Variants in PCDHA7 observed in about 807,000 individuals in gnomAD.
PCDHA7 encodes the protein protocadherin alpha 7.
In PCDHA7, 37 loss-of-function variants were observed where a neutral mutation model predicts 57.2. The ratio of observed to expected loss-of-function variants is 0.65; its 90% CI spans 0.50 to 0.85. The LOEUF (loss-of-function observed/expected upper bound fraction) is 0.85, where lower values mean the gene tolerates loss of function less well. Among genes scored for constraint, PCDHA7 ranks in the 40% least tolerant of loss-of-function variants. The pLI is 0.00. For synonymous variants in PCDHA7, 553 were observed against 558.8 expected (o/e 0.99, Z 0.15); for missense variants, 1,188 against 1,241.8 (o/e 0.96, Z 0.65).
At chr5:140,868,281 T>G (rs2050378347) in intron 1 of PCDHA7, 1 of 152,066 alleles carries the variant, frequency 6.6e-6, no homozygotes, top group Non-Finnish European at 1.5e-5. Flanking sequence ...AACTACCAAG[T>G]TTGAGAATAT....
At chr5:140,902,986 T>C (rs569244845) in intron 1 of PCDHA7, among the ~76,000 whole-genome samples, 1 of 152,346 alleles carries the variant, frequency 6.6e-6, no homozygotes, top group East Asian at 1.9e-4. Flanking sequence ...GTTGGTTCCA[T>C]ATTTTTGCAA....
chr5:140,883,109 T>A (rs782237873), intron 1 of PCDHA7: 1 of 1,613,962 alleles, frequency 6.2e-7, no homozygotes, highest in Non-Finnish European at 8.5e-7. Context: ...AGTTTACTCA[T>A]TTAGAAGGCC....
intron 1 of PCDHA7, among the ~76,000 whole-genome samples, chr5:140,926,076 T>C (rs2082906284): frequency 1.3e-5 from 2 of 152,204 alleles, no homozygotes; most frequent in Admixed American, 1.3e-4. Context: ...TCGTCTCTAT[T>C]GCCCTCTTGG....
At chr5:141,008,015 T>C (rs2098356412) in intron 3 of PCDHA7, among the ~76,000 whole-genome samples, 1 of 152,088 alleles carries the variant, frequency 6.6e-6, no homozygotes. Flanking sequence ...TTCTGTTTCC[T>C]TTTTTTTCTT....
At chr5:140,862,441 T>A (rs1429423701) in intron 1 of PCDHA7, 1 of 358,060 alleles carries the variant, frequency 2.8e-6, no homozygotes, top group Non-Finnish European at 5.5e-6. Context: ...TCGTTGGTAC[T>A]CCACAGCGCC....
rs185281311 is a variant in PCDHA7 at position 140,896,058 on chromosome 5, G to A, written c.2355+59320G>A. The stretch of plus-strand genomic sequence containing the variant: ...ACTCCTGACCTCAGGTGATCCGCCT[G>A]CCTCGGCCTCCCAACATGCTGGGAT... On this transcript the variant is annotated intron_variant, in intron 1 of 3. Coordinates refer to ENST00000525929, the MANE Select transcript of PCDHA7 (RefSeq NM_018910.3). 4.1e-3 allele frequency among the ~76,000 whole-genome samples: 624 copies of A among 152,238 alleles called. 2 individuals carry two copies. The highest frequency in any genetic ancestry group is 6.8e-3 in the Middle Eastern group (2 of 294).
Position 140,857,497 on chromosome 5 carries a change from G to T in PCDHA7, c.2355+20759G>T, listed in dbSNP as rs1473016176. Reference sequence around the variant, plus strand: ...CGGTGTCTGCGTGGGACGCGGACGCGCAGGAGAACGCCCTGGTGTCCTACT... The same window carrying T: ...CGGTGTCTGCGTGGGACGCGGACGCTCAGGAGAACGCCCTGGTGTCCTACT... On this transcript the variant is annotated intron_variant, in intron 1 of 3. Coordinates refer to ENST00000525929, the MANE Select transcript of PCDHA7 (RefSeq NM_018910.3). 10 of 1,598,150 alleles carry T rather than the reference G, an allele frequency of 6.3e-6. 1 individual carries two copies. The highest frequency in any genetic ancestry group is 5.4e-5 in the African/African-American group (4 of 74,450).
At chr5:140,851,405 GAAAGAAA>G in intron 1 of PCDHA7, 2 of 966,032 alleles carry the variant, frequency 2.1e-6, no homozygotes, top group Non-Finnish European at 2.5e-6. Context: ...ATTTTAATAA[GAAAGAAA>G]CTTCCCCTAA....
chr5:140,901,857 G>A (rs782415424), intron 1 of PCDHA7, among the ~76,000 whole-genome samples: 4 of 151,902 alleles, frequency 2.6e-5, no homozygotes, highest in African/African-American at 4.8e-5. Flanking sequence ...CCATTTTTTT[G>A]TGTCCTCTTC....
rs140822878 is a variant in PCDHA7 at position 140,941,951 on chromosome 5, A to C, written c.2356-36998A>C. Among the ~76,000 whole-genome samples the C allele has an allele frequency of 9.8e-5, 15 of 152,306 alleles. No individual in the cohort carries two copies. The East Asian group carries it at 2.7e-3, about 27-fold the overall frequency. On this transcript the variant is annotated intron_variant, in intron 1 of 3. Transcript: ENST00000525929. Reference sequence around the variant, plus strand: ...ATATTTGAATTACTTTTGTTTTGAAAACAATAGTATCTTTACTTTCCCTAA... The same window carrying C: ...ATATTTGAATTACTTTTGTTTTGAACACAATAGTATCTTTACTTTCCCTAA...
chr5:140,922,735 G>C (rs1370700616), intron 1 of PCDHA7, among the ~76,000 whole-genome samples: 1 of 152,078 alleles, frequency 6.6e-6, no homozygotes, highest in Non-Finnish European at 1.5e-5. Context: ...ACAAGGTTGA[G>C]AAAAATAAAT....
chr5:140,884,428 G>T, intron 1 of PCDHA7: 1 of 1,613,962 alleles, frequency 6.2e-7, no homozygotes, highest in East Asian at 2.2e-5. Flanking sequence ...TGTATACTGC[G>T]CTGCGGTGCT....
chr5:140,981,446 T>C (rs1586884316), intron 2 of PCDHA7, among the ~76,000 whole-genome samples: 4 of 152,058 alleles, frequency 2.6e-5, no homozygotes, highest in Admixed American at 1.3e-4. Context: ...TGGTGGCGGG[T>C]GCCTGTAGTC....
chr5:140,967,276 G>C, intron 1 of PCDHA7: 2 of 1,613,398 alleles, frequency 1.2e-6, no homozygotes. Context: ...TTCACATAGA[G>C]AGTGCGCAGG....
intron 1 of PCDHA7, chr5:140,842,613 G>C (rs782736515): frequency 1.9e-6 from 3 of 1,595,698 alleles, no homozygotes; most frequent in Non-Finnish European, 2.6e-6. Flanking sequence ...CGGGACGGGG[G>C]CTCGCCTTCG....
intron 3 of PCDHA7, among the ~76,000 whole-genome samples, chr5:140,991,888 A>T (rs1374098533): frequency 6.6e-6 from 1 of 152,178 alleles, no homozygotes; most frequent in African/African-American, 2.4e-5. Context: ...TGCCATAACA[A>T]ATTAACACAA....
intron 1 of PCDHA7, among the ~76,000 whole-genome samples, chr5:140,947,169 G>GTA (rs1235035694): frequency 1.3e-5 from 2 of 150,968 alleles, no homozygotes; most frequent in Non-Finnish European, 3.0e-5. Context: ...AGAAAATGTG[G>GTA]TATATATTCA....
chr5:140,962,516 A>C (rs1554226093), intron 1 of PCDHA7, among the ~76,000 whole-genome samples: 1 of 152,208 alleles, frequency 6.6e-6, no homozygotes, highest in Non-Finnish European at 1.5e-5. Flanking sequence ...ACTATCAATA[A>C]TATATTAGTT....
At position 140,967,211 on chromosome 5, in the gene PCDHA7, C is replaced by T. The variant is rs549238768; in HGVS notation, c.2356-11738C>T. On this transcript the variant is annotated intron_variant, in intron 1 of 3. Transcript: ENST00000525929. ...CATCAACGACAACTCACCGCGTTTC[C>T]CGCGGCCCAACTACCAGCTTCAGGT... 1.1e-5 allele frequency: 18 copies of T among 1,613,676 alleles called. No individual in the cohort carries two copies. The East Asian group carries it at 3.3e-4, about 30-fold the overall frequency.
Sources: allele counts gnomAD v4.1 joint callset (sites outside exome capture counted in the v4.1 genomes callset), GRCh38; gene constraint gnomAD v4.1.1; transcripts MANE v1.5; gene names NCBI Gene and HGNC (gene_info 2026-07-23, HGNC 2026-07-21).